CNOT4: variants seen among roughly 807,000 people sequenced by gnomAD.
CNOT4 encodes the protein CCR4-NOT transcription complex subunit 4, also known as CCR4-associated factor 4.
CNOT4 carries 8 observed loss-of-function variants against 73.8 expected under a neutral mutation model. That is an observed-to-expected ratio of 0.11 (90% CI 0.06 to 0.20). The LOEUF is 0.20. Ranked by LOEUF, CNOT4 falls within the 10% of genes least tolerant of loss-of-function variation. The pLI, the probability that CNOT4 is intolerant of heterozygous loss-of-function variation, is 1.00. For synonymous variants in CNOT4, 293 were observed against 321.1 expected (o/e 0.91, Z 0.94); for missense variants, 564 against 883.4 (o/e 0.64, Z 4.58).
intron 8 of CNOT4, 144 bp from the exon 9 acceptor site, chr7:135,396,027 G>A: frequency 3.7e-6 from 2 of 538,592 alleles, no homozygotes; most frequent in Non-Finnish European, 3.3e-6. Flanking sequence ...TGAAGTTTCA[G>A]AAAATCAATT....
intron 10 of CNOT4, among the ~76,000 whole-genome samples, chr7:135,369,962 C>T (rs1019493878): frequency 6.6e-6 from 1 of 152,168 alleles, no homozygotes; most frequent in African/African-American, 2.4e-5. Context: ...TATAAGTGTA[C>T]TGTACATCAG....
At chr7:135,429,812 A>T (rs1798709094) in intron 2 of CNOT4, among the ~76,000 whole-genome samples, 1 of 152,158 alleles carries the variant, frequency 6.6e-6, no homozygotes, top group Non-Finnish European at 1.5e-5. Flanking sequence ...AAGAAATAAG[A>T]CCGATGAATA....
chr7:135,454,513 A>C (rs1273195805), intron 1 of CNOT4, among the ~76,000 whole-genome samples: 2 of 98,436 alleles, frequency 2.0e-5, no homozygotes, highest in African/African-American at 6.8e-5. Context: ...TTAATTAAAA[A>C]ATTAAAAAAA....
rs1799283189 is a variant in CNOT4, at chr7:135,438,400, G to C, written c.-69C>G. 1 of 1,341,110 alleles carries C rather than the reference G, an allele frequency of 7.5e-7. No homozygotes were observed. The highest frequency in any genetic ancestry group is 1.5e-5 in the African/African-American group (1 of 67,576). 83.1% of individuals were successfully genotyped at this position (1,341,110 alleles called of 1,614,324 possible). ...GGGAGAAGGAAGTTCAGCACTGAAAGCTAAAATGTAGGACTTTGACGACCT... is the reference window on the plus strand; with the variant it reads ...GGGAGAAGGAAGTTCAGCACTGAAACCTAAAATGTAGGACTTTGACGACCT... On this transcript the variant is annotated 5_prime_UTR_variant, in exon 2 of 12. Transcript: ENST00000541284.
At chr7:135,443,929 G>A (rs1241481176) in intron 1 of CNOT4, among the ~76,000 whole-genome samples, 2 of 152,050 alleles carry the variant, frequency 1.3e-5, no homozygotes, top group Non-Finnish European at 2.9e-5. Flanking sequence ...CAGGCAAATC[G>A]TTTGAGCCCA....
Position 135,444,675 on chromosome 7 carries a change from T to C in CNOT4, c.-92-6252A>G. 3.4e-6 allele frequency: 4 copies of C among 1,179,132 alleles called. No individual in the cohort carries two copies. The Admixed American group carries it at 6.7e-5, about 20-fold the overall frequency. 73.0% of individuals were successfully genotyped at this position (1,179,132 alleles called of 1,614,324 possible). On this transcript the variant is annotated intron_variant, in intron 1 of 11. Coordinates refer to ENST00000541284, the MANE Select transcript of CNOT4 (RefSeq NM_001190850.2). ...GACTAGCAAGAAGGTTTTCAGTGTTTTGCTCCTGGGTCTGCTTCCGGCTGC... is the reference window on the plus strand; with the variant it reads ...GACTAGCAAGAAGGTTTTCAGTGTTCTGCTCCTGGGTCTGCTTCCGGCTGC...
At chr7:135,366,250 G>C (rs141742084) in intron 10 of CNOT4, among the ~76,000 whole-genome samples, 1 of 152,140 alleles carries the variant, frequency 6.6e-6, no homozygotes, top group African/African-American at 2.4e-5. Flanking sequence ...CAATGAAATT[G>C]AGGAACATTT....
At chr7:135,423,753 C>T (rs1356011120) in intron 2 of CNOT4, among the ~76,000 whole-genome samples, 1 of 152,074 alleles carries the variant, frequency 6.6e-6, no homozygotes, top group East Asian at 1.9e-4. Context: ...AGGATGTAAA[C>T]ACCCATACCA....
At chr7:135,424,038 A>ACAC (rs1183659747) in intron 2 of CNOT4, among the ~76,000 whole-genome samples, 5 of 124,920 alleles carry the variant, frequency 4.0e-5, no homozygotes, top group African/African-American at 1.7e-4. Context: ...ACAAACAAAC[A>ACAC]AAACACACAC....
rs561611793 is a variant in CNOT4 at position 135,462,517 on chromosome 7, C to T, written c.-92-24094G>A. 5.9e-5 allele frequency among the ~76,000 whole-genome samples: 9 copies of T among 152,316 alleles called. No individual in the cohort carries two copies. In the South Asian group the frequency reaches 1.9e-3, roughly 32 times the overall value. On this transcript the variant is annotated intron_variant, in intron 1 of 11. Coordinates refer to ENST00000541284, the MANE Select transcript of CNOT4 (RefSeq NM_001190850.2). ...AAGACTGGAGGAGAGTTATCAACCG[C>T]ATGTCACAAAGACCCTTACTCTCAC...
At chr7:135,480,995 G>GAA (rs200536636) in intron 1 of CNOT4, among the ~76,000 whole-genome samples, 2 of 133,520 alleles carry the variant, frequency 1.5e-5, no homozygotes, top group Non-Finnish European at 3.3e-5. Flanking sequence ...TATAAAACTG[G>GAA]AAAAAAAAAA....
intron 1 of CNOT4, among the ~76,000 whole-genome samples, chr7:135,456,751 CA>C (rs1440947544): frequency 6.6e-6 from 1 of 151,710 alleles, no homozygotes; most frequent in Non-Finnish European, 1.5e-5. Flanking sequence ...TTGTTGTCTC[CA>C]CCCCATCCCC....
intron 2 of CNOT4, among the ~76,000 whole-genome samples, chr7:135,437,899 AAAC>A (rs1454060919): frequency 6.6e-6 from 1 of 152,164 alleles, no homozygotes; most frequent in East Asian, 1.9e-4. Context: ...TCCTCGGATA[AAAC>A]AACAACAAAC....
intron 3 of CNOT4, among the ~76,000 whole-genome samples, chr7:135,420,995 C>T (rs1319604795): frequency 1.3e-5 from 2 of 152,102 alleles, no homozygotes. Context: ...ATGTAACTAA[C>T]GACTGCCAGC....
At position 135,380,791 on chromosome 7, in the gene CNOT4, C is replaced by T. The variant is rs74529966; in HGVS notation, c.1627+13127G>A. Among the ~76,000 whole-genome samples, 340 of 152,310 alleles carry T rather than the reference C, an allele frequency of 2.2e-3. 12 individuals carry two copies. The East Asian group carries it at 0.054, about 24-fold the overall frequency. On this transcript the variant is annotated intron_variant, in intron 10 of 11. Transcript: ENST00000541284. Reference sequence around the variant, plus strand: ...AATGTGACTATAGACAAATCACAATCCTTCGGAGCCTTGTTTATTATCATC... The same window carrying T: ...AATGTGACTATAGACAAATCACAATTCTTCGGAGCCTTGTTTATTATCATC...
chr7:135,364,178 T>A lies in CNOT4; in HGVS notation c.1628-112A>T. ...GGGAGAAGAATTATTCTTTCTTTAT[T>A]GAGCATTTAAAATGGGTTGTCCTAG... On this transcript the variant is annotated intron_variant, in intron 10 of 11. Coordinates refer to ENST00000541284, the MANE Select transcript of CNOT4 (RefSeq NM_001190850.2). The surrounding 1 kb of genome is among the most constrained non-coding windows in gnomAD (Gnocchi z 4.3). The A allele has an allele frequency of 1.2e-6, 1 of 865,436 alleles. No homozygotes were observed. The highest frequency in any genetic ancestry group is 2.5e-5 in the East Asian group (1 of 39,822). The allele number at this position is 865,436 out of a possible 1,614,324, so 53.6% of individuals were successfully genotyped here.
chr7:135,416,602 C>T (rs1413170903), intron 3 of CNOT4, among the ~76,000 whole-genome samples: 1 of 152,148 alleles, frequency 6.6e-6, no homozygotes, highest in Non-Finnish European at 1.5e-5. Flanking sequence ...GAGTTTGGAA[C>T]TGCATTCAAT....
rs578029401 is a variant in CNOT4 at position 135,417,203 on chromosome 7, T to A, written c.373-1941A>T. Among the ~76,000 whole-genome samples the A allele has an allele frequency of 2.0e-5, 3 of 152,220 alleles. No individual in the cohort carries two copies. The East Asian group carries it at 5.8e-4, about 29-fold the overall frequency. On this transcript the variant is annotated intron_variant, in intron 3 of 11. Coordinates refer to ENST00000541284, the MANE Select transcript of CNOT4 (RefSeq NM_001190850.2). ...CTCAATATGTAAAGAAATTCTTCAA[T>A]GATCTAGTTAAAATGCAGATTCAGA... is the stretch of plus-strand genomic sequence containing the variant.
intron 1 of CNOT4, among the ~76,000 whole-genome samples, chr7:135,499,931 A>G (rs1444098757): frequency 1.3e-5 from 2 of 152,164 alleles, no homozygotes; most frequent in Non-Finnish European, 2.9e-5. Flanking sequence ...TCAACAGCAC[A>G]CACGATCAGC....
Sources: allele counts gnomAD v4.1 joint callset (sites outside exome capture counted in the v4.1 genomes callset), GRCh38; gene constraint gnomAD v4.1.1; non-coding constraint Gnocchi (gnomAD v3.1); transcripts MANE v1.5; gene names NCBI Gene and HGNC (gene_info 2026-07-23, HGNC 2026-07-21).